The following CSMD1 variants were observed in gnomAD, a reference collection of about 807,000 sequenced individuals.
CSMD1 encodes CUB and Sushi multiple domains 1, also known as CUB and sushi domain-containing protein 1.
A neutral mutation model predicts 417.5 loss-of-function variants in CSMD1; 213 were observed. The observed-to-expected ratio is 0.51, with a 90% CI of 0.46 to 0.57. The LOEUF (loss-of-function observed/expected upper bound fraction) is 0.57. Ranked by LOEUF, CSMD1 falls within the 20% of genes least tolerant of loss-of-function variation. The pLI, the probability that CSMD1 is intolerant of heterozygous loss-of-function variation, is 0.00. For synonymous variants in CSMD1, 2,862 were observed against 1,736.8 expected, an observed-to-expected ratio of 1.65 and a Z score of -16.11; for missense variants, 6,923 against 4,529.7, an observed-to-expected ratio of 1.53 and a Z score of -15.17.
intron 18 of CSMD1, among the ~76,000 whole-genome samples, chr8:3,380,278 T>C (rs1004880288): frequency 8.5e-5 from 13 of 152,170 alleles, no homozygotes; most frequent in Non-Finnish European, 1.6e-4. Context: ...GGAACACTTT[T>C]ACACTGTTGG....
chr8:4,338,480 A>T (rs1800297780), intron 3 of CSMD1, among the ~76,000 whole-genome samples: 2 of 152,144 alleles, frequency 1.3e-5, no homozygotes, highest in African/African-American at 4.8e-5. Context: ...GGTTCATGGC[A>T]AATCTACCTC....
intron 7 of CSMD1, among the ~76,000 whole-genome samples, chr8:3,683,312 G>A (rs1799764034): frequency 6.6e-6 from 1 of 152,092 alleles, no homozygotes; most frequent in Non-Finnish European, 1.5e-5. Context: ...ATCAGTCAAG[G>A]CAAAGTTCTT....
At chr8:4,733,053 A>T (rs903182843) in intron 1 of CSMD1, among the ~76,000 whole-genome samples, 2 of 152,128 alleles carry the variant, frequency 1.3e-5, no homozygotes, top group Non-Finnish European at 2.9e-5. Context: ...ATGAAAAATA[A>T]CTAGAAAAAA....
At chr8:4,243,710 A>C (rs1802536234) in intron 3 of CSMD1, among the ~76,000 whole-genome samples, 1 of 152,160 alleles carries the variant, frequency 6.6e-6, no homozygotes, top group South Asian at 2.1e-4. Context: ...GGTATCGTAC[A>C]TCCATAATCT....
chr8:4,250,180 T>C (rs1380444646), intron 3 of CSMD1, among the ~76,000 whole-genome samples: 2 of 152,200 alleles, frequency 1.3e-5, no homozygotes, highest in Admixed American at 1.3e-4. Flanking sequence ...ACCAATACAT[T>C]TCTTTTCTTT....
chr8:3,639,164 C>G (rs1797186940), intron 7 of CSMD1, among the ~76,000 whole-genome samples: 1 of 152,172 alleles, frequency 6.6e-6, no homozygotes, highest in African/African-American at 2.4e-5. Flanking sequence ...GTAAAGGCCG[C>G]TCAATTCAAG....
At chr8:4,397,404 C>G (rs1384100822) in intron 3 of CSMD1, among the ~76,000 whole-genome samples, 1 of 150,666 alleles carries the variant, frequency 6.6e-6, no homozygotes, top group Non-Finnish European at 1.5e-5. Context: ...TTACTTCATT[C>G]AAAATAAGAA....
At chr8:3,704,213 T>G (rs902059258) in intron 7 of CSMD1, among the ~76,000 whole-genome samples, 7 of 152,102 alleles carry the variant, frequency 4.6e-5, no homozygotes, top group African/African-American at 1.7e-4. Flanking sequence ...AAATCACAGC[T>G]ACAGGCAAAA....
At chr8:4,761,638 T>C (rs1309108558) in intron 1 of CSMD1, among the ~76,000 whole-genome samples, 3 of 152,210 alleles carry the variant, frequency 2.0e-5, no homozygotes, top group East Asian at 3.9e-4. Flanking sequence ...ATGAAATCAT[T>C]ATAATTCAGA....
chr8:3,491,972 C>A (rs1013432619), intron 11 of CSMD1, among the ~76,000 whole-genome samples: 1 of 152,138 alleles, frequency 6.6e-6, no homozygotes, highest in African/African-American at 2.4e-5. Context: ...CCGGCCTCCA[C>A]CCAATTTATT....
intron 5 of CSMD1, among the ~76,000 whole-genome samples, chr8:3,823,190 C>G (rs1319313893): frequency 6.6e-6 from 1 of 152,080 alleles, no homozygotes; most frequent in East Asian, 1.9e-4. Flanking sequence ...TCAGAGAACT[C>G]ACAGTTTGCA....
At chr8:2,962,823 C>T (rs993287826) in intron 60 of CSMD1, among the ~76,000 whole-genome samples, 184 bp from the exon 61 acceptor site, 16 of 152,238 alleles carry the variant, frequency 1.1e-4, no homozygotes, top group Non-Finnish European at 1.8e-4. Context: ...CAGAGGCAGG[C>T]GGATCGCTTG....
intron 3 of CSMD1, among the ~76,000 whole-genome samples, chr8:4,413,131 A>T (rs532114940): frequency 6.6e-6 from 1 of 152,184 alleles, no homozygotes; most frequent in Admixed American, 6.6e-5. Context: ...GGATATATAG[A>T]ATATGGACAG....
intron 25 of CSMD1, among the ~76,000 whole-genome samples, chr8:3,297,769 C>T (rs1245830368): frequency 6.6e-6 from 1 of 152,072 alleles, no homozygotes; most frequent in Non-Finnish European, 1.5e-5. Context: ...GACACAAAAT[C>T]ACTAAAGCCA....
At chr8:4,586,170 A>G (rs969947617) in intron 2 of CSMD1, among the ~76,000 whole-genome samples, 1 of 152,164 alleles carries the variant, frequency 6.6e-6, no homozygotes, top group Non-Finnish European at 1.5e-5. Context: ...AAACATGCCA[A>G]TTCCACTCTT....
chr8:3,234,885 C>G (rs1799060454), intron 26 of CSMD1, among the ~76,000 whole-genome samples: 1 of 152,174 alleles, frequency 6.6e-6, no homozygotes, highest in East Asian at 1.9e-4. Context: ...AGTGATATTC[C>G]TATAGAATCT....
chr8:4,257,319 A>C (rs973891445), intron 3 of CSMD1, among the ~76,000 whole-genome samples: 4 of 152,106 alleles, frequency 2.6e-5, no homozygotes, highest in African/African-American at 7.2e-5. Context: ...GTTTTAAATG[A>C]TAACTATTTT....
At position 2,935,421 on chromosome 8, in the gene CSMD1, C is replaced by A. The variant is rs1801385818; in HGVS notation, c.*3164G>T. 1 of 151,960 alleles carries A rather than the reference C, an allele frequency of 6.6e-6. No homozygotes were observed. Among genetic ancestry groups the A allele is most frequent in the African/African-American group, 2.4e-5 (1 of 41,368 alleles). The allele number at this position is 151,960 out of a possible 1,614,324, so 9.4% of individuals were successfully genotyped here. On this transcript the variant is annotated 3_prime_UTR_variant, in exon 70 of 70. Coordinates refer to ENST00000635120, the MANE Select transcript of CSMD1 (RefSeq NM_033225.6). Reference sequence around the variant, plus strand: ...TTAAAGATTGGTGGCATTGCACAGGCTATATTACACCCTCTTTATAATTTT... The same window carrying A: ...TTAAAGATTGGTGGCATTGCACAGGATATATTACACCCTCTTTATAATTTT...
rs746767759 is a variant in CSMD1, at chr8:3,586,127, G to GA, written c.1222+8_1222+9insT. ...ATAATCCAGGCTTTACCCACCGCAG[G>GA]TGCCTTACCTCGGCAGATGGGCCTG... On this transcript the variant is annotated intron_variant, in intron 9 of 69. Coordinates refer to ENST00000635120, the MANE Select transcript of CSMD1 (RefSeq NM_033225.6). 1 of 1,609,358 alleles carries GA rather than the reference G, an allele frequency of 6.2e-7. No individual in the cohort carries two copies. The highest frequency in any genetic ancestry group is 8.5e-7 in the Non-Finnish European group (1 of 1,178,280).
Sources: allele counts gnomAD v4.1 joint callset (sites outside exome capture counted in the v4.1 genomes callset), GRCh38; gene constraint gnomAD v4.1.1; transcripts MANE v1.5; gene names NCBI Gene and HGNC (gene_info 2026-07-23, HGNC 2026-07-21).